BNC2: variants seen among roughly 807,000 people sequenced by gnomAD.
The protein encoded by BNC2 is zinc finger protein basonuclin-2.
BNC2 carries 20 observed loss-of-function variants against 76.3 expected under a neutral mutation model. That is an observed-to-expected ratio of 0.26 (90% CI 0.18 to 0.38). The LOEUF (loss-of-function observed/expected upper bound fraction) is 0.38. Among genes scored for constraint, BNC2 ranks in the 10% least tolerant of loss-of-function variants. The pLI, the probability that BNC2 is intolerant of heterozygous loss-of-function variation, is 1.00. For synonymous variants in BNC2, 582 were observed against 514.8 expected (o/e 1.13, Z -1.77); for missense variants, 1,382 against 1,399.8 (o/e 0.99, Z 0.20).
Position 16,727,872 on chromosome 9 carries a change from C to T in BNC2, c.255G>A (p.Thr85=). Reference sequence around the variant, plus strand: ...CCATGAACCCTGGTTCAGCCGTAGTCGTTCTGGTTCCGAACTGCATGGAGT... The same window carrying T: ...CCATGAACCCTGGTTCAGCCGTAGTTGTTCTGGTTCCGAACTGCATGGAGT... ...TDNSMQFGTR[T]TTAEPGFMGT... is the part of the protein sequence containing the mutation. Residue 85 remains threonine (T), a synonymous_variant, in exon 3 of 7, where the codon ACG becomes ACA. Coordinates refer to ENST00000380672, the MANE Select transcript of BNC2 (RefSeq NM_017637.6). 3 of 1,614,152 alleles carry T rather than the reference C, an allele frequency of 1.9e-6. No individual in the cohort carries two copies. Among genetic ancestry groups the T allele is most frequent in the East Asian group, 4.5e-5 (2 of 44,872 alleles).
chr9:16,544,054 CATGGTGTTGA>C (rs1265118059), intron 5 of BNC2, among the ~76,000 whole-genome samples: 2 of 152,260 alleles, frequency 1.3e-5, no homozygotes, highest in East Asian at 3.9e-4. Context: ...TTCCTTATGT[CATGGTGTTGA>C]TAATCCAATC....
At chr9:16,422,756 T>C (rs1820734473) in intron 6 of BNC2, among the ~76,000 whole-genome samples, 1 of 152,122 alleles carries the variant, frequency 6.6e-6, no homozygotes, top group Non-Finnish European at 1.5e-5. Context: ...AGGGTACCGA[T>C]CCTACCCAAG....
intron 4 of BNC2, among the ~76,000 whole-genome samples, chr9:16,558,313 T>C (rs993830586): frequency 6.6e-6 from 1 of 152,238 alleles, no homozygotes; most frequent in African/African-American, 2.4e-5. Context: ...GAATTTCTTC[T>C]CTTTCCTCTA....
rs1322509836 is a variant in BNC2, at chr9:16,613,960, G to A, written c.331-30875C>T. Among the ~76,000 whole-genome samples the A allele has an allele frequency of 2.6e-5, 4 of 152,170 alleles. No individual in the cohort carries two copies. In the East Asian group the frequency reaches 7.7e-4, roughly 29 times the overall value. On this transcript the variant is annotated intron_variant, in intron 3 of 6. Coordinates refer to ENST00000380672, the MANE Select transcript of BNC2 (RefSeq NM_017637.6). ...AACAGTCACAAGAGGGAGATGAGCAGTACCATATGGATAACAGCCACAAAA... is the reference window on the plus strand; with the variant it reads ...AACAGTCACAAGAGGGAGATGAGCAATACCATATGGATAACAGCCACAAAA...
In BNC2 at chr9:16,710,726, A is replaced by G. The variant is rs531176545; in HGVS notation, c.330+17071T>C. ...TATCTATTCTTATCATTATGGTACC[A>G]TTAATCCCATTCTCCCCTCCCCCTC... On this transcript the variant is annotated intron_variant, in intron 3 of 6. Transcript: ENST00000380672. Among the ~76,000 whole-genome samples, 9 of 152,196 alleles carry G rather than the reference A, an allele frequency of 5.9e-5. No homozygotes were observed. In the East Asian group the frequency reaches 1.7e-3, roughly 29 times the overall value.
At chr9:16,443,384 A>T (rs914453238) in intron 5 of BNC2, among the ~76,000 whole-genome samples, 1 of 152,236 alleles carries the variant, frequency 6.6e-6, no homozygotes, top group Non-Finnish European at 1.5e-5. Flanking sequence ...TTTCATAATC[A>T]GTTTCCTATT....
chr9:16,529,918 G>A (rs950989331), intron 5 of BNC2, among the ~76,000 whole-genome samples: 11 of 151,992 alleles, frequency 7.2e-5, no homozygotes, highest in Admixed American at 1.3e-4. Context: ...GCATGATCGC[G>A]GCTCACCACA....
chr9:16,708,471 A>T (rs984066248), intron 3 of BNC2, among the ~76,000 whole-genome samples: 1 of 152,134 alleles, frequency 6.6e-6, no homozygotes, highest in African/African-American at 2.4e-5. Context: ...ACACACATAC[A>T]ACATGCACAT....
chr9:16,481,105 C>T (rs1045725912), intron 5 of BNC2, among the ~76,000 whole-genome samples: 21 of 152,120 alleles, frequency 1.4e-4, no homozygotes, highest in African/African-American at 4.8e-4. Flanking sequence ...GGTTTGGGCT[C>T]TGGTGGGGCC....
chr9:16,794,583 C>T (rs1156372314), intron 1 of BNC2, among the ~76,000 whole-genome samples: 1 of 152,078 alleles, frequency 6.6e-6, no homozygotes, highest in Non-Finnish European at 1.5e-5. Context: ...AGGCCTGGGT[C>T]CCTGTAACTT....
At chr9:16,630,704 G>A (rs1821135230) in intron 3 of BNC2, among the ~76,000 whole-genome samples, 1 of 149,906 alleles carries the variant, frequency 6.7e-6, no homozygotes, top group African/African-American at 2.5e-5. Context: ...CTCACCAGTA[G>A]TTACACTGCA....
chr9:16,494,665 G>A (rs1336477148), intron 5 of BNC2, among the ~76,000 whole-genome samples: 1 of 152,170 alleles, frequency 6.6e-6, no homozygotes, highest in African/African-American at 2.4e-5. Flanking sequence ...GAAGGAGGGA[G>A]AGAGGAGATG....
chr9:16,657,992 C>A (rs546019933), intron 3 of BNC2, among the ~76,000 whole-genome samples: 1 of 152,144 alleles, frequency 6.6e-6, no homozygotes, highest in Admixed American at 6.5e-5. Flanking sequence ...AAGGAATCAA[C>A]CCCCTAAGTA....
chr9:16,818,263 G>A (rs980142708), intron 1 of BNC2, among the ~76,000 whole-genome samples: 6 of 152,086 alleles, frequency 3.9e-5, no homozygotes, highest in Admixed American at 3.9e-4. Context: ...AATTAGCCGG[G>A]CGAGTTGGCG....
rs533202329 is a variant in BNC2 at position 16,485,194 on chromosome 9, G to C, written c.670-47670C>G. Among the ~76,000 whole-genome samples, 113 of 152,162 alleles carry C rather than the reference G, an allele frequency of 7.4e-4. 3 individuals carry two copies. In the South Asian group the frequency reaches 0.022, roughly 29 times the overall value. ...TAGTTTTCACTGAGTGAACGAAAGG[G>C]AGTTCAGCTTCCATCTAAATGATCG... On this transcript the variant is annotated intron_variant, in intron 5 of 6. Transcript: ENST00000380672.
intron 2 of BNC2, among the ~76,000 whole-genome samples, chr9:16,729,254 AAAAGT>A (rs1398857733): frequency 1.3e-5 from 2 of 152,254 alleles, no homozygotes; most frequent in African/African-American, 2.4e-5. Flanking sequence ...GCCATCTCAT[AAAAGT>A]AGTCAGCAGG....
chr9:16,512,655 T>C (rs926876002), intron 5 of BNC2, among the ~76,000 whole-genome samples: 2 of 152,330 alleles, frequency 1.3e-5, no homozygotes, highest in African/African-American at 2.4e-5. Flanking sequence ...ACATCTTTTA[T>C]GTACACTATA....
chr9:16,780,553 A>G (rs868089624), intron 1 of BNC2, among the ~76,000 whole-genome samples: 13 of 149,826 alleles, frequency 8.7e-5, no homozygotes, highest in African/African-American at 3.2e-4. Context: ...GCCTGGCGAC[A>G]GGGCAAGACT....
intron 1 of BNC2, among the ~76,000 whole-genome samples, chr9:16,782,818 A>G (rs1826190980): frequency 6.6e-6 from 1 of 152,202 alleles, no homozygotes. Flanking sequence ...ATCCACTATC[A>G]TTCCTAGCAC....
Sources: gnomAD v4.1 joint callset for allele counts (sites outside exome capture counted in the v4.1 genomes callset) on GRCh38, gnomAD v4.1.1 for gene constraint, MANE v1.5 for transcripts, NCBI Gene and HGNC (gene_info 2026-07-23, HGNC 2026-07-21) for gene names.